Variants in SGO1 observed in about 807,000 individuals in gnomAD.
The protein encoded by SGO1 is serologically defined breast cancer antigen NY-BR-85.
Under a neutral mutation model 50.5 loss-of-function variants are expected in SGO1, and 39 were observed. The observed-to-expected ratio is 0.77, with a 90% CI of 0.60 to 1.01. The LOEUF (loss-of-function observed/expected upper bound fraction) is 1.01. SGO1 is among the 50% of genes least tolerant of loss of function. SGO1 has a pLI of 0.00. For synonymous variants in SGO1, 191 were observed against 205.1 expected, an observed-to-expected ratio of 0.93 and a Z score of 0.59; for missense variants, 638 against 606.0, an observed-to-expected ratio of 1.05 and a Z score of -0.55.
intron 8 of SGO1, among the ~76,000 whole-genome samples, chr3:20,161,922 GTATAAGAT>G (rs1213994796): frequency 6.6e-6 from 1 of 152,162 alleles, no homozygotes; most frequent in Non-Finnish European, 1.5e-5. Context: ...GCAATAGCTA[GTATAAGAT>G]TATAATTCCA....
chr3:20,175,387 C>G (rs1701264418), intron 5 of SGO1, among the ~76,000 whole-genome samples: 1 of 152,100 alleles, frequency 6.6e-6, no homozygotes, highest in Admixed American at 6.5e-5. Flanking sequence ...TTCAGATTTT[C>G]AAATTAGGGA....
rs183985427 is a variant in SGO1, at chr3:20,179,982, G to T, written c.340-1635C>A. 9.2e-5 allele frequency among the ~76,000 whole-genome samples: 14 copies of T among 152,196 alleles called. No homozygotes were observed. In the East Asian group the frequency reaches 1.2e-3, roughly 13 times the overall value. ...CTTGACATGCAGTGACAACAGAATG[G>T]TAAGGATAAAATCTAGATTCAGAGT... On this transcript the variant is annotated intron_variant, in intron 3 of 7. Transcript: ENST00000412997.
Position 20,164,426 on chromosome 3 carries a change from G to C in SGO1, c.1565-3200C>G, listed in dbSNP as rs1267030059. Among the ~76,000 whole-genome samples the C allele has an allele frequency of 2.0e-5, 3 of 151,990 alleles. No homozygotes were observed. In the East Asian group the frequency reaches 5.8e-4, roughly 29 times the overall value. On this transcript the variant is annotated intron_variant, in intron 8 of 8. Coordinates refer to the SGO1 transcript ENST00000263753. ...ACCTCCCAGCAAAGAAGGAATACAA[G>C]GAAATGTCTTTAGTCTGAGAAAGGT...
At chr3:20,171,406 T>A in intron 6 of SGO1, 174 bp from the exon 7 acceptor site, 1 of 456,694 alleles carries the variant, frequency 2.2e-6, no homozygotes, top group Non-Finnish European at 3.8e-6. Flanking sequence ...TGGTGTGATC[T>A]CAGCTCACTG....
At chr3:20,165,975 C>T (rs1700279317), downstream of SGO1, among the ~76,000 whole-genome samples, 1 of 152,120 alleles carries the variant, frequency 6.6e-6, no homozygotes, top group South Asian at 2.1e-4. Flanking sequence ...ATCGCTGGAA[C>T]CCAGGAGGTG....
At chr3:20,166,842 C>CAAAA (rs58288144), downstream of SGO1, among the ~76,000 whole-genome samples, 29 of 42,738 alleles carry the variant, frequency 6.8e-4, no homozygotes, top group South Asian at 3.5e-3. Context: ...CCATCTCTAC[C>CAAAA]AAAAAAAAAA....
At chr3:20,160,643 T>C (rs1699997162) in exon 9 of SGO1, 1 of 153,718 alleles carries the variant, frequency 6.5e-6, no homozygotes, top group Admixed American at 6.4e-5. Context: ...GATTTTATTT[T>C]AAGAGAAACA....
chr3:20,169,193 A>G, downstream of SGO1: 1 of 985,322 alleles, frequency 1.0e-6, no homozygotes. Context: ...AATCTGAGAT[A>G]TCAGGATTAG....
Position 20,170,480 on chromosome 3 carries a change from C to G in SGO1, c.*224G>C. ...AATCGATATGATGATAATGCTTAAG[C>G]TCAGTTATTTATATTCAAAAGAAAA... On this transcript the variant is annotated 3_prime_UTR_variant, in exon 8 of 8. Transcript: ENST00000412997. 2 of 1,102,702 alleles carry G rather than the reference C, an allele frequency of 1.8e-6. No individual in the cohort carries two copies. The highest frequency in any genetic ancestry group is 8.4e-5 in the South Asian group (2 of 23,744). 68.3% of individuals were successfully genotyped at this position (1,102,702 alleles called of 1,614,324 possible).
At chr3:20,168,537 C>T (rs1410223836), downstream of SGO1, among the ~76,000 whole-genome samples, 2 of 149,828 alleles carry the variant, frequency 1.3e-5, no homozygotes, top group South Asian at 2.1e-4. Flanking sequence ...ACTGTACTTT[C>T]TGTGATGATG....
rs1017014333 is a variant in SGO1, at chr3:20,184,036, T to A, written c.-7-2A>T. 6.4e-7 allele frequency: 1 copy of A among 1,555,432 alleles called. No individual in the cohort carries two copies. The highest frequency in any genetic ancestry group is 1.4e-5 in the African/African-American group (1 of 71,926). Reference sequence around the variant, plus strand: ...CATCTTTCCTTGGCCATCTTTTGCCTAAACAATAAAAAATATTTTTTCTCA... The same window carrying A: ...CATCTTTCCTTGGCCATCTTTTGCCAAAACAATAAAAAATATTTTTTCTCA... On this transcript the variant is annotated splice_acceptor_variant, in intron 1 of 7. Coordinates refer to ENST00000412997, the MANE Select transcript of SGO1 (RefSeq NM_001199251.3). LOFTEE classifies it low-confidence loss of function (5UTR_SPLICE).
chr3:20,171,062 T>C lies in SGO1; in HGVS notation c.1453A>G (p.Lys485Glu). The change falls in exon 7 of 8, where the codon AAG becomes GAG. Residue 485 changes from lysine to glutamate, a missense_variant. Physicochemically the swap from Lys to Glu is moderately conservative, Grantham distance 56. Transcript: ENST00000412997. ...ACTTACGAAGCGAGGGTGGGCTCCT[T>C]ATAGTTCACGCTGGCTGTGCACCTA... ...KRRCTASVNY[K>E]EPTLASKLRR... 1 of 1,595,842 alleles carries C rather than the reference T, an allele frequency of 6.3e-7. No homozygotes were observed. The highest frequency in any genetic ancestry group is 8.5e-7 in the Non-Finnish European group (1 of 1,175,378).
chr3:20,168,724 G>A (rs1301978892), downstream of SGO1, among the ~76,000 whole-genome samples: 1 of 150,160 alleles, frequency 6.7e-6, no homozygotes, highest in Non-Finnish European at 1.5e-5. Flanking sequence ...CTCACTGCAA[G>A]CTCCGCCTCC....
intron 3 of SGO1, among the ~76,000 whole-genome samples, chr3:20,181,277 A>C (rs1481539000): frequency 6.6e-6 from 1 of 152,280 alleles, no homozygotes; most frequent in South Asian, 2.1e-4. Context: ...AATATAACTT[A>C]AAAACAAGTC....
In SGO1 at chr3:20,183,951, C is replaced by T; in HGVS notation, c.77G>A (p.Arg26Lys). Residue 26 changes from arginine (R) to lysine (K), a missense_variant, in exon 2 of 8, where the codon AGG (arginine) becomes AAG (lysine). Transcript: ENST00000412997. ...GCCAATCTCTGCCAAGTTTTTATTC[C>T]TTTTCTCTTTCATTCGCTTCTTTAT... ...EDIKKRMKEK[R>K]NKNLAEIGKR... is the part of the protein sequence containing the mutation. The T allele has an allele frequency of 6.2e-7, 1 of 1,612,718 alleles. No homozygotes were observed. Among genetic ancestry groups the T allele is most frequent in the Non-Finnish European group, 8.5e-7 (1 of 1,179,630 alleles).
chr3:20,161,216 C>A, exon 9 of SGO1: 1 of 1,589,812 alleles, frequency 6.3e-7, no homozygotes, highest in Non-Finnish European at 8.5e-7. Context: ...CAGGTGATAC[C>A]TCCAGGGCTC....
intron 6 of SGO1, among the ~76,000 whole-genome samples, chr3:20,173,115 ACAT>A (rs1477325892): frequency 6.7e-6 from 1 of 148,888 alleles, no homozygotes; most frequent in Non-Finnish European, 1.5e-5. Context: ...ATTTATTCTA[ACAT>A]CATTATAGCA....
upstream of SGO1, chr3:20,186,740 C>G (rs1202106880): frequency 1.3e-5 from 2 of 152,228 alleles, no homozygotes; most frequent in Non-Finnish European, 2.9e-5. Context: ...TAACTCTTCT[C>G]GAGAAATGGC....
intron 6 of SGO1, among the ~76,000 whole-genome samples, chr3:20,172,792 T>TAAAAAAAAA (rs60411282): frequency 2.0e-5 from 2 of 98,908 alleles, no homozygotes; most frequent in Non-Finnish European, 2.0e-5. Context: ...TCACAAAAAG[T>TAAAAAAAAA]AAAAAAAAAA....
Sources: allele counts gnomAD v4.1 joint callset (sites outside exome capture counted in the v4.1 genomes callset), GRCh38; gene constraint gnomAD v4.1.1; transcripts MANE v1.5; gene names NCBI Gene and HGNC (gene_info 2026-07-23, HGNC 2026-07-21).